The following PIK3CB variants were observed in gnomAD, a reference collection of about 807,000 sequenced individuals.
PIK3CB encodes phosphatidylinositol-4,5-bisphosphate 3-kinase catalytic subunit beta.
A neutral mutation model predicts 136.8 loss-of-function variants in PIK3CB; 39 were observed. The ratio of observed to expected loss-of-function variants is 0.29; its 90% CI spans 0.22 to 0.37. The LOEUF (loss-of-function observed/expected upper bound fraction) is 0.37, where lower values mean the gene tolerates loss of function less well. PIK3CB is among the 10% of genes least tolerant of loss of function. The probability of loss-of-function intolerance (pLI) is 1.00; values close to 1 mark genes in which losing one functional copy is unlikely to be tolerated. For missense variants in PIK3CB, 868 were observed against 1,275.4 expected, an observed-to-expected ratio of 0.68 and a Z score of 4.87; for synonymous variants, 428 against 436.6, an observed-to-expected ratio of 0.98 and a Z score of 0.25.
intron 1 of PIK3CB, among the ~76,000 whole-genome samples, chr3:138,803,487 G>A (rs757895985): frequency 3.9e-5 from 6 of 152,090 alleles, no homozygotes; most frequent in Non-Finnish European, 7.4e-5. Context: ...ACACACATTT[G>A]CCTCTCTTGC....
chr3:138,680,091 G>A (rs1199586683), intron 19 of PIK3CB, among the ~76,000 whole-genome samples: 11 of 152,016 alleles, frequency 7.2e-5, no homozygotes, highest in Non-Finnish European at 8.8e-5. Context: ...AGGGGGCGGC[G>A]ACTCACGCCT....
chr3:138,692,264 G>A (rs1174553735), intron 14 of PIK3CB, among the ~76,000 whole-genome samples: 3 of 152,176 alleles, frequency 2.0e-5, no homozygotes, highest in Non-Finnish European at 2.9e-5. Flanking sequence ...GCAGATATCT[G>A]GGACTGAAAC....
intron 16 of PIK3CB, 149 bp from the exon 17 acceptor site, chr3:138,684,952 T>C (rs1053475122): frequency 3.9e-6 from 2 of 519,108 alleles, no homozygotes; most frequent in African/African-American, 4.0e-5. Context: ...GTGTCTGACT[T>C]ACGAAAAGCA....
At chr3:138,810,616 C>A (rs1310500301) in intron 1 of PIK3CB, among the ~76,000 whole-genome samples, 2 of 151,816 alleles carry the variant, frequency 1.3e-5, no homozygotes, top group Non-Finnish European at 2.9e-5. Context: ...CTGTCATGGT[C>A]ATCAAAAACA....
intron 1 of PIK3CB, among the ~76,000 whole-genome samples, chr3:138,831,008 C>T (rs899531124): frequency 4.0e-5 from 6 of 149,466 alleles, no homozygotes; most frequent in African/African-American, 1.2e-4. Flanking sequence ...GGGGGCAAGG[C>T]GCGGTGGCTC....
At chr3:138,816,887 T>C (rs1006991749) in intron 1 of PIK3CB, among the ~76,000 whole-genome samples, 6 of 152,190 alleles carry the variant, frequency 3.9e-5, no homozygotes, top group Admixed American at 3.3e-4. Context: ...TGTATTTCCT[T>C]ATTTTCAGCA....
At chr3:138,698,329 T>C (rs1043739177) in intron 13 of PIK3CB, among the ~76,000 whole-genome samples, 1 of 152,192 alleles carries the variant, frequency 6.6e-6, no homozygotes, top group Non-Finnish European at 1.5e-5. Context: ...GTTGTTTGAA[T>C]TGAATAAATG....
chr3:138,771,298 C>T (rs569189296), intron 2 of PIK3CB, among the ~76,000 whole-genome samples: 31 of 150,274 alleles, frequency 2.1e-4, no homozygotes, highest in African/African-American at 7.5e-4. Context: ...TCTTGGCTCA[C>T]TGCAAGCTCT....
At chr3:138,706,464 A>C (rs1486330636) in intron 11 of PIK3CB, among the ~76,000 whole-genome samples, 1 of 152,224 alleles carries the variant, frequency 6.6e-6, no homozygotes, top group African/African-American at 2.4e-5. Context: ...ATATTCAACA[A>C]AAATCAATTG....
intron 11 of PIK3CB, among the ~76,000 whole-genome samples, 177 bp downstream of exon 11, chr3:138,706,982 G>C (rs2044391619): frequency 6.6e-6 from 1 of 152,046 alleles, no homozygotes; most frequent in Non-Finnish European, 1.5e-5. Context: ...TACTTAGTCA[G>C]TGATAAAACC....
chr3:138,800,300 T>C (rs578246291), intron 1 of PIK3CB, among the ~76,000 whole-genome samples: 3 of 152,212 alleles, frequency 2.0e-5, no homozygotes, highest in East Asian at 1.9e-4. Flanking sequence ...TACTGGAGAA[T>C]AGAACAGTCT....
At chr3:138,664,310 CAGTACTT>C (rs1577044942) in intron 20 of PIK3CB, among the ~76,000 whole-genome samples, 1 of 152,150 alleles carries the variant, frequency 6.6e-6, no homozygotes, top group East Asian at 1.9e-4. Context: ...CTAATGTTCA[CAGTACTT>C]AGAAGAGACC....
intron 11 of PIK3CB, 37 bp from the exon 12 acceptor site, chr3:138,704,530 T>G: frequency 7.1e-7 from 1 of 1,401,166 alleles, no homozygotes; most frequent in Non-Finnish European, 1.0e-6. Flanking sequence ...ATTTTGGCTC[T>G]CATATTTGTA....
chr3:138,688,646 T>G (rs778921376), intron 16 of PIK3CB, among the ~76,000 whole-genome samples: 6 of 152,128 alleles, frequency 3.9e-5, no homozygotes, highest in Non-Finnish European at 8.8e-5. Flanking sequence ...TTGTGCTAAG[T>G]TCATTGAAAC....
chr3:138,786,647 G>A lies in PIK3CB; in HGVS notation c.-17+9816C>T, dbSNP rs1576413129. ...AGGCATGAGCCACCGTGCCCAGCCT[G>A]TATTTAAATTTTAAATACTATAAGT... On this transcript the variant is annotated intron_variant, in intron 2 of 23. Transcript: ENST00000674063. Among the ~76,000 whole-genome samples the A allele has an allele frequency of 2.0e-5, 3 of 152,184 alleles. No individual in the cohort carries two copies. The East Asian group carries it at 5.8e-4, about 29-fold the overall frequency.
intron 12 of PIK3CB, among the ~76,000 whole-genome samples, chr3:138,703,558 AT>A (rs1448201712): frequency 6.6e-6 from 1 of 151,324 alleles, no homozygotes; most frequent in Non-Finnish European, 1.5e-5. Context: ...ATTTATATAT[AT>A]ATATGTAGAT....
intron 14 of PIK3CB, among the ~76,000 whole-genome samples, chr3:138,694,101 G>A (rs984989786): frequency 4.6e-5 from 7 of 150,702 alleles, no homozygotes; most frequent in Non-Finnish European, 5.9e-5. Flanking sequence ...TAACAAGCCT[G>A]CTTATAGGAT....
At chr3:138,692,051 G>C (rs563509595) in intron 14 of PIK3CB, among the ~76,000 whole-genome samples, 3 of 152,252 alleles carry the variant, frequency 2.0e-5, no homozygotes, top group Admixed American at 1.3e-4. Flanking sequence ...TAATATAACA[G>C]ATAACATTGT....
At chr3:138,689,212 C>T (rs2108501211) in intron 15 of PIK3CB, among the ~76,000 whole-genome samples, 1 of 152,128 alleles carries the variant, frequency 6.6e-6, no homozygotes, top group East Asian at 1.9e-4. Context: ...TCAAGCTTGC[C>T]TAAAATAAAA....
Sources: allele counts gnomAD v4.1 joint callset (sites outside exome capture counted in the v4.1 genomes callset), GRCh38; gene constraint gnomAD v4.1.1; transcripts MANE v1.5; gene names NCBI Gene and HGNC (gene_info 2026-07-23, HGNC 2026-07-21).